The following SLC9A9 variants were observed in gnomAD, a reference collection of about 807,000 sequenced individuals.
The protein encoded by SLC9A9 is sodium/hydrogen exchanger 9.
In SLC9A9, 62 loss-of-function variants were observed where a neutral mutation model predicts 77.8. That is an observed-to-expected ratio of 0.80 (90% CI 0.65 to 0.98). SLC9A9 has a LOEUF of 0.98. SLC9A9 is among the 50% of genes least tolerant of loss of function. SLC9A9 has a pLI of 0.00. For synonymous variants in SLC9A9, 320 were observed against 283.5 expected (o/e 1.13, Z -1.29); for missense variants, 775 against 774.9 (o/e 1.00, Z 0.00).
intron 14 of SLC9A9, among the ~76,000 whole-genome samples, chr3:143,345,623 A>T (rs1346676192): frequency 6.6e-6 from 1 of 152,200 alleles, no homozygotes; most frequent in Non-Finnish European, 1.5e-5. Flanking sequence ...GAGGTAAAGC[A>T]GGATAGTTGG....
At chr3:143,621,727 C>T (rs1366438272) in intron 6 of SLC9A9, among the ~76,000 whole-genome samples, 1 of 152,180 alleles carries the variant, frequency 6.6e-6, no homozygotes, top group Non-Finnish European at 1.5e-5. Context: ...TCCAAAGGAA[C>T]TCAGCTCCTC....
intron 6 of SLC9A9, among the ~76,000 whole-genome samples, chr3:143,612,593 A>T (rs1197407225): frequency 6.6e-6 from 1 of 152,216 alleles, no homozygotes; most frequent in African/African-American, 2.4e-5. Flanking sequence ...AGTTTCTCCA[A>T]CAGAACTATG....
chr3:143,370,747 A>G (rs2033042057), intron 13 of SLC9A9, among the ~76,000 whole-genome samples: 1 of 152,082 alleles, frequency 6.6e-6, no homozygotes, highest in Admixed American at 6.6e-5. Context: ...GTCTAAAAAC[A>G]AAGGAAAACA....
At chr3:143,661,929 T>C (rs2038985139) in intron 5 of SLC9A9, among the ~76,000 whole-genome samples, 1 of 152,208 alleles carries the variant, frequency 6.6e-6, no homozygotes, top group Admixed American at 6.5e-5. Context: ...GCTGTGTATG[T>C]CTTACAGATT....
At chr3:143,548,761 C>G (rs2036832570) in intron 9 of SLC9A9, among the ~76,000 whole-genome samples, 1 of 152,110 alleles carries the variant, frequency 6.6e-6, no homozygotes, top group Non-Finnish European at 1.5e-5. Flanking sequence ...ATGGACAAAA[C>G]ATATCTTAAA....
chr3:143,268,741 A>AAAAAG, intron 15 of SLC9A9, 134 bp downstream of exon 15: 1 of 475,510 alleles, frequency 2.1e-6, no homozygotes, highest in Non-Finnish European at 3.7e-6. Context: ...TCAAAAAAAA[A>AAAAAG]AAAAAAAAAA....
intron 12 of SLC9A9, among the ~76,000 whole-genome samples, chr3:143,409,858 G>A (rs1168809356): frequency 6.6e-6 from 1 of 152,184 alleles, no homozygotes; most frequent in African/African-American, 2.4e-5. Flanking sequence ...TTGGTGATGT[G>A]TTGCTGGGGT....
chr3:143,814,788 A>G lies in SLC9A9; in HGVS notation c.378+17231T>C, dbSNP rs182874399. Among the ~76,000 whole-genome samples, 664 of 152,294 alleles carry G rather than the reference A, an allele frequency of 4.4e-3. 10 individuals are homozygous for G. Among genetic ancestry groups the G allele is most frequent in the Non-Finnish European group, 2.2e-3 (149 of 68,022 alleles). ...TCCCTACTCTGATGTCAGCTGCTGA[A>G]AAAAGGAGTTTAAGGACCAAGGGGA... is the stretch of plus-strand genomic sequence containing the variant. On this transcript the variant is annotated intron_variant, in intron 2 of 15. Coordinates refer to ENST00000316549, the MANE Select transcript of SLC9A9 (RefSeq NM_173653.4).
intron 8 of SLC9A9, among the ~76,000 whole-genome samples, chr3:143,559,526 A>T: frequency 6.6e-6 from 1 of 151,920 alleles, no homozygotes; most frequent in Non-Finnish European, 1.5e-5. Context: ...TTACTTCATT[A>T]ATCCACTGGG....
chr3:143,616,644 T>C (rs1259526382), intron 6 of SLC9A9, among the ~76,000 whole-genome samples: 1 of 152,148 alleles, frequency 6.6e-6, no homozygotes, highest in Non-Finnish European at 1.5e-5. Context: ...AATCGAGGTC[T>C]AGAAAGTGAC....
chr3:143,449,975 A>T (rs1275407920), intron 12 of SLC9A9, among the ~76,000 whole-genome samples: 1 of 81,482 alleles, frequency 1.2e-5, no homozygotes, highest in Non-Finnish European at 2.1e-5. Flanking sequence ...TATATAATAT[A>T]TATTATATGT....
chr3:143,500,300 GTATT>G (rs374838402), intron 9 of SLC9A9, among the ~76,000 whole-genome samples: 1 of 152,070 alleles, frequency 6.6e-6, no homozygotes, highest in African/African-American at 2.4e-5. Flanking sequence ...ATTTGTGTCT[GTATT>G]TATATCTTTC....
At chr3:143,334,875 A>G (rs895576851) in intron 14 of SLC9A9, among the ~76,000 whole-genome samples, 2 of 152,168 alleles carry the variant, frequency 1.3e-5, no homozygotes, top group Non-Finnish European at 2.9e-5. Context: ...TGTTTAAAGT[A>G]ACACATTTTA....
Position 143,384,434 on chromosome 3 carries a change from T to C in SLC9A9, c.1470-2320A>G, listed in dbSNP as rs1411868691. Among the ~76,000 whole-genome samples, 3 of 152,218 alleles carry C rather than the reference T, an allele frequency of 2.0e-5. No homozygotes were observed. In the East Asian group the frequency reaches 5.8e-4, roughly 29 times the overall value. On this transcript the variant is annotated intron_variant, in intron 12 of 15. Coordinates refer to ENST00000316549, the MANE Select transcript of SLC9A9 (RefSeq NM_173653.4). ...TGGCCGTGAACTGAACTGAGGATCA[T>C]GGGGCTCCCACCACTGTATCTGCTT...
intron 6 of SLC9A9, among the ~76,000 whole-genome samples, chr3:143,642,349 A>G (rs2038638462): frequency 6.6e-6 from 1 of 152,194 alleles, no homozygotes; most frequent in African/African-American, 2.4e-5. Flanking sequence ...ATTTCACAAC[A>G]ATAATCAATC....
At chr3:143,376,598 T>A (rs2033185051) in intron 13 of SLC9A9, among the ~76,000 whole-genome samples, 1 of 152,190 alleles carries the variant, frequency 6.6e-6, no homozygotes, top group Non-Finnish European at 1.5e-5. Context: ...CACTTCTTCT[T>A]CCTTATTATC....
chr3:143,605,096 C>G lies in SLC9A9; in HGVS notation c.756-26373G>C, dbSNP rs1459856595. 2.6e-5 allele frequency among the ~76,000 whole-genome samples: 4 copies of G among 152,062 alleles called. No homozygotes were observed. The East Asian group carries it at 7.7e-4, about 29-fold the overall frequency. On this transcript the variant is annotated intron_variant, in intron 6 of 15. Coordinates refer to ENST00000316549, the MANE Select transcript of SLC9A9 (RefSeq NM_173653.4). The stretch of plus-strand genomic sequence containing the variant: ...TGTTCATATTTACTACAAGTGGTCT[C>G]TATATTTTCTTTACAGGACTTTAGA...
At chr3:143,443,187 TATTACATTTGAGATACAAAATTAC>T (rs2034779115) in intron 12 of SLC9A9, among the ~76,000 whole-genome samples, 1 of 152,074 alleles carries the variant, frequency 6.6e-6, no homozygotes, top group Non-Finnish European at 1.5e-5. Flanking sequence ...GGGGCCAGAA[TATTACATTTGAGATACAAAATTAC>T]ATTGAGAGGC....
intron 12 of SLC9A9, among the ~76,000 whole-genome samples, chr3:143,399,720 C>T (rs577077091): frequency 2.4e-4 from 37 of 152,104 alleles, no homozygotes; most frequent in Non-Finnish European, 4.3e-4. Flanking sequence ...GCTGTTTTGG[C>T]CTATCATTCT....
Sources: allele counts gnomAD v4.1 joint callset (sites outside exome capture counted in the v4.1 genomes callset), GRCh38; gene constraint gnomAD v4.1.1; transcripts MANE v1.5; gene names NCBI Gene and HGNC (gene_info 2026-07-23, HGNC 2026-07-21).